Variants in PDE3A observed in about 807,000 individuals in gnomAD.
PDE3A encodes the protein cGMP-inhibited 3',5'-cyclic phosphodiesterase 3A.
Under a neutral mutation model 98.3 loss-of-function variants are expected in PDE3A, and 43 were observed. The ratio of observed to expected loss-of-function variants is 0.44; its 90% CI spans 0.34 to 0.56. The LOEUF (loss-of-function observed/expected upper bound fraction) is 0.56, where lower values mean the gene tolerates loss of function less well. PDE3A is among the 20% of genes least tolerant of loss of function. PDE3A has a pLI of 0.01. For missense variants in PDE3A, 1,427 were observed against 1,440.7 expected (o/e 0.99, Z 0.15); for synonymous variants, 663 against 567.9 (o/e 1.17, Z -2.38).
intron 1 of PDE3A, among the ~76,000 whole-genome samples, chr12:20,440,688 T>C (rs1413846599): frequency 6.6e-6 from 1 of 152,164 alleles, no homozygotes; most frequent in African/African-American, 2.4e-5. Context: ...ATAAAACTAT[T>C]TGTTAACAGC....
At chr12:20,408,534 G>T (rs377016194) in intron 1 of PDE3A, among the ~76,000 whole-genome samples, 1 of 152,166 alleles carries the variant, frequency 6.6e-6, no homozygotes, top group African/African-American at 2.4e-5. Context: ...TGCAGATGGC[G>T]TTCATTAAAG....
At chr12:20,383,020 G>T (rs1943689375) in intron 1 of PDE3A, among the ~76,000 whole-genome samples, 1 of 151,930 alleles carries the variant, frequency 6.6e-6, no homozygotes, top group African/African-American at 2.4e-5. Context: ...CATCCTAGGA[G>T]CCAGATAAGG....
chr12:20,386,100 AATAT>A lies in PDE3A; in HGVS notation c.960+15864_960+15867del, dbSNP rs375826971. Among the ~76,000 whole-genome samples the A allele has an allele frequency of 4.6e-3, 78 of 17,108 alleles. 1 individual carries two copies. The highest frequency in any genetic ancestry group is 0.024 in the Middle Eastern group (1 of 42). 11.2% of individuals were successfully genotyped at this position (17,108 alleles called of 152,430 possible). ...ATATATAAATATATAAATATATATA[AATAT>A]ATATATAAATATATATAAATATATA... On this transcript the variant is annotated intron_variant, in intron 1 of 15. Coordinates refer to ENST00000359062, the MANE Select transcript of PDE3A (RefSeq NM_000921.5).
rs1592190994 is a variant in PDE3A, at chr12:20,685,370, T to C, written c.*5099T>C. On this transcript the variant is annotated 3_prime_UTR_variant, in exon 16 of 16. Transcript: ENST00000359062. ...GTTATGGTGAGCTGAGATTGCACCA[T>C]TGCACTCCAGCCTGGGCAACAGGAG... Among the ~76,000 whole-genome samples the C allele has an allele frequency of 7.2e-6, 1 of 139,694 alleles. No individual in the cohort carries two copies. The highest frequency in any genetic ancestry group is 2.2e-4 in the South Asian group (1 of 4,562). 91.6% of individuals were successfully genotyped at this position (139,694 alleles called of 152,430 possible).
intron 1 of PDE3A, among the ~76,000 whole-genome samples, chr12:20,439,362 T>TATCATG (rs1336063821): frequency 6.6e-6 from 1 of 152,188 alleles, no homozygotes; most frequent in Non-Finnish European, 1.5e-5. Context: ...TATATCCACA[T>TATCATG]ATCATGTAGT....
At chr12:20,665,959 CTTTT>C (rs35859257) in intron 15 of PDE3A, among the ~76,000 whole-genome samples, 1 of 94,992 alleles carries the variant, frequency 1.1e-5, no homozygotes, top group Non-Finnish European at 2.0e-5. Context: ...TTTGTCATTT[CTTTT>C]TTTTTTTTTT....
chr12:20,629,792 A>T lies in PDE3A; in HGVS notation c.1541-116A>T, dbSNP rs1592129080. The T allele has an allele frequency of 1.2e-5, 9 of 753,414 alleles. No individual in the cohort carries two copies. The East Asian group carries it at 2.3e-4, about 19-fold the overall frequency. 46.7% of individuals were successfully genotyped at this position (753,414 alleles called of 1,614,324 possible). A position where few individuals can be genotyped will look rare whatever the true frequency, so the allele number is the denominator to read the frequency against. ...GTATGTGGAGGAGGCCAGCCCGGTG[A>T]CCTGAGCAGGCACGTGGTTGTTACT... is the stretch of plus-strand genomic sequence containing the variant. On this transcript the variant is annotated intron_variant, in intron 5 of 15. Coordinates refer to ENST00000359062, the MANE Select transcript of PDE3A (RefSeq NM_000921.5).
At chr12:20,439,459 C>G (rs189682578) in intron 1 of PDE3A, among the ~76,000 whole-genome samples, 1 of 152,194 alleles carries the variant, frequency 6.6e-6, no homozygotes, top group East Asian at 1.9e-4. Context: ...ATCATTATTT[C>G]TTAATAGTCT....
intron 1 of PDE3A, among the ~76,000 whole-genome samples, chr12:20,430,363 C>G (rs1944675382): frequency 6.6e-6 from 1 of 152,056 alleles, no homozygotes; most frequent in South Asian, 2.1e-4. Flanking sequence ...GAGAAACTTT[C>G]TTCAGAAAGG....
intron 2 of PDE3A, among the ~76,000 whole-genome samples, chr12:20,608,110 A>G (rs1452947520): frequency 6.6e-6 from 1 of 152,116 alleles, no homozygotes; most frequent in Non-Finnish European, 1.5e-5. Context: ...AGACATACCC[A>G]TCCTTTGTAG....
At chr12:20,660,556 G>A (rs759020721) in intron 15 of PDE3A, among the ~76,000 whole-genome samples, 5 of 152,030 alleles carry the variant, frequency 3.3e-5, no homozygotes, top group Non-Finnish European at 7.4e-5. Context: ...CCCATGTGTT[G>A]TGGAGGGACC....
chr12:20,651,409 G>C (rs969253832), intron 14 of PDE3A, among the ~76,000 whole-genome samples: 2 of 152,180 alleles, frequency 1.3e-5, no homozygotes, highest in Admixed American at 1.3e-4. Context: ...AAATATAACT[G>C]TCTTCAGATA....
chr12:20,384,958 T>C (rs1314874492), intron 1 of PDE3A, among the ~76,000 whole-genome samples: 5 of 152,116 alleles, frequency 3.3e-5, no homozygotes, highest in Admixed American at 3.3e-4. Flanking sequence ...TGATTCCATG[T>C]CTTTGCTATT....
intron 1 of PDE3A, among the ~76,000 whole-genome samples, chr12:20,513,038 AAAG>A (rs1946256710): frequency 7.9e-5 from 12 of 152,168 alleles, no homozygotes; most frequent in African/African-American, 2.9e-4. Flanking sequence ...CTGCTTTGCC[AAAG>A]GATGTTGTCA....
chr12:20,420,152 A>C (rs949832397), intron 1 of PDE3A, among the ~76,000 whole-genome samples: 1 of 152,186 alleles, frequency 6.6e-6, no homozygotes, highest in African/African-American at 2.4e-5. Context: ...TCTTGGTGCA[A>C]GTATAGAAAG....
intron 1 of PDE3A, among the ~76,000 whole-genome samples, chr12:20,379,327 G>A (rs1239280393): frequency 6.6e-6 from 1 of 151,724 alleles, no homozygotes; most frequent in Admixed American, 6.6e-5. Flanking sequence ...AGCAGTGTTT[G>A]TCCTCGTGAT....
intron 2 of PDE3A, among the ~76,000 whole-genome samples, chr12:20,607,529 C>T (rs945526702): frequency 6.6e-6 from 1 of 151,484 alleles, no homozygotes; most frequent in African/African-American, 2.4e-5. Flanking sequence ...ATATATAAAA[C>T]CGCACTTTCC....
At position 20,558,378 on chromosome 12, in the gene PDE3A, G is replaced by A. The variant is rs538085692; in HGVS notation, c.1011+1668G>A. ...TTGATTATATTTGAAAGCCTGAGGT[G>A]GTTCTAAAAAGCAAAAGCATTAAAA... is the stretch of plus-strand genomic sequence containing the variant. On this transcript the variant is annotated intron_variant, in intron 2 of 15. Coordinates refer to ENST00000359062, the MANE Select transcript of PDE3A (RefSeq NM_000921.5). 6.6e-5 allele frequency among the ~76,000 whole-genome samples: 10 copies of A among 152,030 alleles called. No homozygotes were observed. The South Asian group carries it at 2.1e-3, about 32-fold the overall frequency.
chr12:20,657,387 A>G lies in PDE3A; in HGVS notation c.3184+3182A>G, dbSNP rs1352599547. Among the ~76,000 whole-genome samples, 3 of 152,324 alleles carry G rather than the reference A, an allele frequency of 2.0e-5. No homozygotes were observed. In the East Asian group the frequency reaches 5.8e-4, roughly 29 times the overall value. On this transcript the variant is annotated intron_variant, in intron 15 of 15. Coordinates refer to ENST00000359062, the MANE Select transcript of PDE3A (RefSeq NM_000921.5). ...AGAATTCATACTGGCTAAAATGGTT[A>G]CCTTGACTTTGCCTAATACTTAGGT...
Sources: gnomAD v4.1 joint callset for allele counts (sites outside exome capture counted in the v4.1 genomes callset) on GRCh38, gnomAD v4.1.1 for gene constraint, MANE v1.5 for transcripts, NCBI Gene and HGNC (gene_info 2026-07-23, HGNC 2026-07-21) for gene names.